The following CNKSR2 variants were observed in gnomAD, a reference collection of about 807,000 sequenced individuals.
The protein encoded by CNKSR2 is connector enhancer of kinase suppressor of Ras 2, also known as CNK homolog protein 2.
CNKSR2 carries 14 observed loss-of-function variants against 84.4 expected under a neutral mutation model. That is an observed-to-expected ratio of 0.17 (90% confidence interval 0.11 to 0.26). The LOEUF (loss-of-function observed/expected upper bound fraction) is 0.26, where lower values mean the gene tolerates loss of function less well. Ranked by LOEUF, CNKSR2 falls within the 10% of genes least tolerant of loss-of-function variation. CNKSR2 has a pLI of 1.00. For synonymous variants in CNKSR2, 275 were observed against 277.9 expected (o/e 0.99, Z 0.10); for missense variants, 485 against 771.2 (o/e 0.63, Z 4.40).
chrX:21,379,933 A>T (rs902386083), intron 1 of CNKSR2, among the ~76,000 whole-genome samples: 1 of 111,606 alleles, frequency 9.0e-6, no homozygotes, highest in African/African-American at 3.3e-5. Context: ...GGCATAATCT[A>T]AGAGGGATGT....
At chrX:21,455,183 A>G (rs185706146) in intron 4 of CNKSR2, among the ~76,000 whole-genome samples, 42 of 111,707 alleles carry the variant, frequency 3.8e-4, no homozygotes, top group African/African-American at 1.3e-3. Context: ...TCTCTTACAT[A>G]TCTTCTAGAG....
chrX:21,455,202 A>C (rs2090982085), intron 4 of CNKSR2, among the ~76,000 whole-genome samples: 1 of 111,885 alleles, frequency 8.9e-6, no homozygotes, highest in Admixed American at 9.5e-5. Context: ...AGCCTTTACA[A>C]ACCTGAGAGT....
intron 4 of CNKSR2, among the ~76,000 whole-genome samples, chrX:21,450,707 A>T (rs1470342678): frequency 9.0e-6 from 1 of 111,556 alleles, no homozygotes; most frequent in African/African-American, 3.2e-5. Flanking sequence ...CATTGCTTAG[A>T]CCCTATAGAG....
intron 11 of CNKSR2, chrX:21,537,787 T>C (rs2091942369): frequency 2.0e-5 from 2 of 98,481 alleles, no homozygotes; most frequent in African/African-American, 7.6e-5. Context: ...TTGGGTCTTG[T>C]TTTTTTTTTT....
intron 1 of CNKSR2, among the ~76,000 whole-genome samples, chrX:21,398,963 C>T (rs946827358): frequency 2.8e-5 from 3 of 107,961 alleles, no homozygotes; most frequent in Non-Finnish European, 3.8e-5. Flanking sequence ...TTTTTTAATG[C>T]GTTAACCACT....
At chrX:21,593,009 T>G (rs1342148216) in intron 15 of CNKSR2, 1 of 109,783 alleles carries the variant, frequency 9.1e-6, no homozygotes, top group Non-Finnish European at 1.9e-5. Context: ...AGCAAGTTAT[T>G]GTTACTGTTA....
intron 20 of CNKSR2, among the ~76,000 whole-genome samples, chrX:21,615,907 G>A (rs868404033): frequency 1.8e-5 from 2 of 111,463 alleles, no homozygotes; most frequent in Non-Finnish European, 3.8e-5. Context: ...TATTAGCTGC[G>A]TTCTAGGAGT....
At chrX:21,568,415 G>A (rs189680021) in intron 13 of CNKSR2, among the ~76,000 whole-genome samples, 46 of 112,201 alleles carry the variant, frequency 4.1e-4, no homozygotes, top group African/African-American at 1.5e-3. Context: ...GAATACTGAT[G>A]TAATTTTGGA....
chrX:21,392,909 A>G (rs1309035444), intron 1 of CNKSR2, among the ~76,000 whole-genome samples: 1 of 111,463 alleles, frequency 9.0e-6, no homozygotes, highest in Non-Finnish European at 1.9e-5. Context: ...TCAAAACTTT[A>G]TACTTGCCCT....
intron 11 of CNKSR2, among the ~76,000 whole-genome samples, chrX:21,546,997 A>G (rs2092032666): frequency 1.8e-5 from 2 of 112,130 alleles, no homozygotes; most frequent in South Asian, 7.4e-4. Flanking sequence ...AAGACCATCA[A>G]CACTATGAAG....
intron 13 of CNKSR2, 21 bp downstream of exon 13, chrX:21,563,473 T>C (rs780802384): frequency 9.2e-7 from 1 of 1,085,172 alleles, no homozygotes; most frequent in South Asian, 2.1e-5. Flanking sequence ...TTTCAAAGAC[T>C]CTTCAATACA....
chrX:21,628,408 T>G (rs1417376811), intron 20 of CNKSR2, among the ~76,000 whole-genome samples: 1 of 111,727 alleles, frequency 9.0e-6, no homozygotes, highest in Non-Finnish European at 1.9e-5. Context: ...CAGTAGGGAC[T>G]CTGTGTGGGG....
At chrX:21,539,540 TC>T (rs1211796899) in intron 11 of CNKSR2, among the ~76,000 whole-genome samples, 1 of 111,708 alleles carries the variant, frequency 9.0e-6, no homozygotes, top group African/African-American at 3.3e-5. Context: ...AGAGTTGTGT[TC>T]CTTTGGAAGT....
intron 20 of CNKSR2, among the ~76,000 whole-genome samples, chrX:21,628,413 G>A (rs1213593568): frequency 2.7e-5 from 3 of 111,778 alleles, no homozygotes; most frequent in East Asian, 2.8e-4. Context: ...GGGACTCTGT[G>A]TGGGGGCTCT....
chrX:21,592,089 A>G (rs1394590430), intron 15 of CNKSR2: 1 of 112,040 alleles, frequency 8.9e-6, no homozygotes, highest in African/African-American at 3.2e-5. Context: ...AAAACATAAT[A>G]TCTAGATAAT....
At chrX:21,508,346 G>A (rs1327930312) in intron 8 of CNKSR2, among the ~76,000 whole-genome samples, 2 of 111,623 alleles carry the variant, frequency 1.8e-5, no homozygotes, top group African/African-American at 6.5e-5. Context: ...AGAAAAACCT[G>A]TATTATTATG....
intron 13 of CNKSR2, among the ~76,000 whole-genome samples, chrX:21,577,118 T>G (rs948675029): frequency 4.5e-5 from 5 of 111,961 alleles, no homozygotes; most frequent in African/African-American, 1.6e-4. Flanking sequence ...TTTCCTCAAT[T>G]TTTAAGTTTT....
At chrX:21,447,583 A>G (rs2090871741) in intron 4 of CNKSR2, among the ~76,000 whole-genome samples, 1 of 111,405 alleles carries the variant, frequency 9.0e-6, no homozygotes, top group Non-Finnish European at 1.9e-5. Flanking sequence ...GAGTGATAAA[A>G]TAAACTTCAG....
chrX:21,645,511 G>T (rs977376164), intron 20 of CNKSR2: 1 of 111,865 alleles, frequency 8.9e-6, no homozygotes, highest in African/African-American at 3.2e-5. Context: ...ATCACAGAAG[G>T]TTCCTATATA....
Sources: allele counts gnomAD v4.1 joint callset (sites outside exome capture counted in the v4.1 genomes callset), GRCh38; gene constraint gnomAD v4.1.1; transcripts MANE v1.5; gene names NCBI Gene and HGNC (gene_info 2026-07-23, HGNC 2026-07-21).